DTNBP1: variants seen among roughly 807,000 people sequenced by gnomAD.
DTNBP1 encodes the protein dysbindin.
Under a neutral mutation model 42.8 loss-of-function variants are expected in DTNBP1, and 35 were observed. The observed-to-expected ratio is 0.82, with a 90% CI of 0.63 to 1.09. The LOEUF is 1.09. DTNBP1 is among the 50% of genes least tolerant of loss of function. DTNBP1 has a pLI of 0.00. For missense variants in DTNBP1, 457 were observed against 424.2 expected, an observed-to-expected ratio of 1.08 and a Z score of -0.68; for synonymous variants, 171 against 162.2, an observed-to-expected ratio of 1.05 and a Z score of -0.41.
At chr6:15,611,250 C>T (rs572609158) in intron 6 of DTNBP1, among the ~76,000 whole-genome samples, 1 of 152,232 alleles carries the variant, frequency 6.6e-6, no homozygotes, top group South Asian at 2.1e-4. Context: ...AATGTAACAA[C>T]AAAGCCTGGG....
intron 3 of DTNBP1, among the ~76,000 whole-genome samples, chr6:15,650,992 T>A (rs528922082): frequency 6.6e-6 from 1 of 152,198 alleles, no homozygotes; most frequent in East Asian, 1.9e-4. Context: ...AGAAATGACA[T>A]AAGAATCAAA....
chr6:15,602,887 C>G (rs1232301702), intron 6 of DTNBP1, among the ~76,000 whole-genome samples: 1 of 152,032 alleles, frequency 6.6e-6, no homozygotes, highest in Non-Finnish European at 1.5e-5. Context: ...AAAGAGATAA[C>G]GAAAAGAATT....
Position 15,637,803 on chromosome 6 carries a change from A to G in DTNBP1, c.163T>C (p.Tyr55His). The change falls in exon 4 of 10, where the codon TAT (tyrosine) becomes CAT (histidine). Residue 55 changes from tyrosine to histidine, a missense_variant and splice_region_variant. Physicochemically the swap from Tyr to His is moderately conservative, Grantham distance 83. Transcript: ENST00000344537. ...TGAAGTGCAGCCCATGTATCCTCATACCTAAAAAAAAGCAAAAAATAATTT... is the reference window on the plus strand; with the variant it reads ...TGAAGTGCAGCCCATGTATCCTCATGCCTAAAAAAAAGCAAAAAATAATTT... The part of the protein sequence containing the change: ...YSAGLELLSR[Y>H]EDTWAALHRR... The G allele has an allele frequency of 6.2e-7, 1 of 1,612,826 alleles. No individual in the cohort carries two copies.
intron 6 of DTNBP1, among the ~76,000 whole-genome samples, chr6:15,594,134 A>G (rs1472586051): frequency 2.0e-5 from 3 of 152,202 alleles, no homozygotes; most frequent in African/African-American, 7.2e-5. Context: ...ACCATGGTTC[A>G]TAAACTATGC....
At chr6:15,562,414 A>T (rs1007430253) in intron 7 of DTNBP1, among the ~76,000 whole-genome samples, 3 of 152,198 alleles carry the variant, frequency 2.0e-5, no homozygotes, top group Non-Finnish European at 4.4e-5. Flanking sequence ...AAATATGTTC[A>T]TAGGTATCAC....
At chr6:15,566,462 C>A (rs1775088736) in intron 7 of DTNBP1, among the ~76,000 whole-genome samples, 1 of 152,168 alleles carries the variant, frequency 6.6e-6, no homozygotes, top group South Asian at 2.1e-4. Flanking sequence ...ATACCTTCTT[C>A]ATTCTGGAGT....
At chr6:15,533,879 C>T (rs1581706760) in intron 7 of DTNBP1, among the ~76,000 whole-genome samples, 1 of 152,336 alleles carries the variant, frequency 6.6e-6, no homozygotes, top group East Asian at 1.9e-4. Flanking sequence ...TTTCAACATG[C>T]TGTCACTCAG....
At chr6:15,564,784 A>T (rs1435137791) in intron 7 of DTNBP1, among the ~76,000 whole-genome samples, 1 of 152,224 alleles carries the variant, frequency 6.6e-6, no homozygotes, top group African/African-American at 2.4e-5. Context: ...ACATTAAAAC[A>T]GATGCTCAAC....
intron 8 of DTNBP1, among the ~76,000 whole-genome samples, chr6:15,527,146 G>T: frequency 6.6e-6 from 1 of 152,204 alleles, no homozygotes; most frequent in East Asian, 1.9e-4. Context: ...TTGGGATAAA[G>T]AGTAGTACTT....
At chr6:15,621,925 C>T (rs1370725580) in intron 5 of DTNBP1, among the ~76,000 whole-genome samples, 1 of 152,192 alleles carries the variant, frequency 6.6e-6, no homozygotes, top group Non-Finnish European at 1.5e-5. Flanking sequence ...TTCCCCAGAC[C>T]TTTCAGCCTC....
intron 6 of DTNBP1, among the ~76,000 whole-genome samples, chr6:15,602,149 T>C (rs1421541049): frequency 2.6e-5 from 4 of 152,146 alleles, no homozygotes; most frequent in African/African-American, 4.8e-5. Context: ...GAAACAATTA[T>C]AGTGCCATTT....
At chr6:15,663,048 C>G (rs1036049651), upstream of DTNBP1, 3 of 793,950 alleles carry the variant, frequency 3.8e-6, no homozygotes, top group Non-Finnish European at 5.4e-6. Flanking sequence ...CGCGTTCCCG[C>G]CCCGCGCGCG....
Position 15,523,206 on chromosome 6 carries a change from A to G in DTNBP1, c.825T>C (p.Ser275=), listed in dbSNP as rs1379869361. The G allele has an allele frequency of 1.9e-5, 31 of 1,614,194 alleles. No individual in the cohort carries two copies. The highest frequency in any genetic ancestry group is 2.5e-5 in the Non-Finnish European group (29 of 1,179,990). Residue 275 remains serine (S), a synonymous_variant, in exon 10 of 10, where the codon AGT becomes AGC. Transcript: ENST00000344537. ...VLSPALGPES[S]TCQNEITLQV... ...GGAGGGTAATCTCATTCTGACAGGT[A>G]CTGGATTCAGGCCCTGCAAAATAAC...
At chr6:15,603,933 G>A (rs1776828800) in intron 6 of DTNBP1, among the ~76,000 whole-genome samples, 1 of 152,110 alleles carries the variant, frequency 6.6e-6, no homozygotes, top group South Asian at 2.1e-4. Flanking sequence ...AATATTCATG[G>A]AGACCCTCTC....
chr6:15,637,979 T>C (rs886129770), intron 3 of DTNBP1, among the ~76,000 whole-genome samples, 175 bp from the exon 4 acceptor site: 1 of 152,062 alleles, frequency 6.6e-6, no homozygotes, highest in Non-Finnish European at 1.5e-5. Flanking sequence ...GCCAAATCTG[T>C]GACAATTTGA....
chr6:15,586,979 CT>C (rs1360964235), intron 7 of DTNBP1, among the ~76,000 whole-genome samples: 2 of 152,130 alleles, frequency 1.3e-5, no homozygotes, highest in African/African-American at 4.8e-5. Context: ...GCATTGTCAA[CT>C]TTTTTTCATT....
intron 8 of DTNBP1, among the ~76,000 whole-genome samples, chr6:15,527,613 A>T (rs1772495070): frequency 6.6e-6 from 1 of 152,216 alleles, no homozygotes; most frequent in Non-Finnish European, 1.5e-5. Flanking sequence ...GTTAGAAAAA[A>T]ACAATAGCCC....
chr6:15,652,272 T>G, intron 1 of DTNBP1, 132 bp from the exon 2 acceptor site: 4 of 621,524 alleles, frequency 6.4e-6, no homozygotes, highest in Non-Finnish European at 1.1e-5. Context: ...GCCTCAATCC[T>G]GGGCCCAAGT....
chr6:15,600,884 T>C (rs565827783), intron 6 of DTNBP1, among the ~76,000 whole-genome samples: 68 of 152,298 alleles, frequency 4.5e-4, no homozygotes, highest in Non-Finnish European at 7.5e-4. Flanking sequence ...AGGTGGCAAC[T>C]GGTTCTGCAG....
Sources: gnomAD v4.1 joint callset for allele counts (sites outside exome capture counted in the v4.1 genomes callset) on GRCh38, gnomAD v4.1.1 for gene constraint, MANE v1.5 for transcripts, NCBI Gene and HGNC (gene_info 2026-07-23, HGNC 2026-07-21) for gene names.